KIF18B: variants seen among roughly 807,000 people sequenced by gnomAD.
KIF18B encodes kinesin-like protein KIF18B.
In KIF18B, 49 loss-of-function variants were observed where a neutral mutation model predicts 80.9. The observed-to-expected ratio is 0.61, with a 90% CI of 0.48 to 0.77. The LOEUF (loss-of-function observed/expected upper bound fraction) is 0.77, where lower values mean the gene tolerates loss of function less well. Ranked by LOEUF, KIF18B falls within the 30% of genes least tolerant of loss-of-function variation. KIF18B has a pLI of 0.00. For missense variants in KIF18B, 994 were observed against 1,127.7 expected (o/e 0.88, Z 1.70); for synonymous variants, 439 against 463.9 (o/e 0.95, Z 0.69).
rs531963798 is a variant in KIF18B at position 44,936,100 on chromosome 17, T to C, written c.245A>G (p.Gln82Arg). The C allele has an allele frequency of 5.6e-6, 9 of 1,613,854 alleles. No homozygotes were observed. The highest frequency in any genetic ancestry group is 6.8e-6 in the Non-Finnish European group (8 of 1,179,892). The change falls in exon 2 of 16, where the codon CAA (glutamine) becomes CGA (arginine). Residue 82 changes from glutamine to arginine, a missense_variant. Gln to Arg is a conservative substitution (Grantham distance 43). Coordinates refer to ENST00000593135, the MANE Select transcript of KIF18B (RefSeq NM_001265577.2). ...CGTGGTGTGCTGGAACACGTCCTGT[T>C]GGGTGGCCGCCTCGCCAAAGACCCG... ...FDRVFGEAAT[Q>R]QDVFQHTTHS...
chr17:44,929,918 G>A (rs902697776), intron 11 of KIF18B, among the ~76,000 whole-genome samples: 1 of 152,248 alleles, frequency 6.6e-6, no homozygotes, highest in African/African-American at 2.4e-5. Context: ...TTCTAATAAA[G>A]CATATTTTCT....
rs1043604165 is a variant in KIF18B, at chr17:44,926,917, C to T, written c.2366+72G>A. 27 of 1,305,696 alleles carry T rather than the reference C, an allele frequency of 2.1e-5. No homozygotes were observed. The African/African-American group carries it at 2.2e-4, about 11-fold the overall frequency. 80.9% of individuals were successfully genotyped at this position (1,305,696 alleles called of 1,614,324 possible). On this transcript the variant is annotated intron_variant, in intron 14 of 15. Coordinates refer to ENST00000593135, the MANE Select transcript of KIF18B (RefSeq NM_001265577.2). ...GACAGAGACACTGGGGGCCCAGAGTCGGCCCAGGTGTCTACTGCCCTGGTG... is the reference window on the plus strand; with the variant it reads ...GACAGAGACACTGGGGGCCCAGAGTTGGCCCAGGTGTCTACTGCCCTGGTG...
At position 44,936,063 on chromosome 17, in the gene KIF18B, C is replaced by T. The variant is rs780546192; in HGVS notation, c.282G>A (p.Leu94=). The part of the protein sequence containing the change: ...DVFQHTTHSV[L]DSFLQGYNCS... Reference sequence around the variant, plus strand: ...AGTTGTAGCCCTGGAGGAAGCTGTCCAGGACGCTGTGCGTGGTGTGCTGGA... The same window carrying T: ...AGTTGTAGCCCTGGAGGAAGCTGTCTAGGACGCTGTGCGTGGTGTGCTGGA... The change falls in exon 2 of 16, where the codon CTG becomes CTA. Residue 94 remains leucine, a synonymous_variant. Transcript: ENST00000593135. 1.2e-6 allele frequency: 2 copies of T among 1,613,778 alleles called. No individual in the cohort carries two copies. The highest frequency in any genetic ancestry group is 2.2e-5 in the East Asian group (1 of 44,886).
intron 1 of KIF18B, among the ~76,000 whole-genome samples, chr17:44,942,542 A>G (rs988566287): frequency 5.3e-5 from 8 of 152,138 alleles, no homozygotes; most frequent in African/African-American, 1.9e-4. Flanking sequence ...TGGACGTCCT[A>G]TTTTTACAGG....
At chr17:44,935,494 T>C (rs2052269136) in intron 2 of KIF18B, 78 bp from the exon 3 acceptor site, 2 of 1,417,666 alleles carry the variant, frequency 1.4e-6, no homozygotes, top group South Asian at 1.5e-5. Flanking sequence ...CTCAAGCCCC[T>C]TTCCTTTTCC....
chr17:44,926,109 CTGAGAGTGCTCTCCCCACCCTGA>C lies in KIF18B; in HGVS notation c.2507_2529del (p.Ile836SerfsTer16), dbSNP rs767711247. 6.2e-7 allele frequency: 1 copy of C among 1,613,918 alleles called. No individual in the cohort carries two copies. Among genetic ancestry groups the C allele is most frequent in the South Asian group, 1.1e-5 (1 of 91,070 alleles). On this transcript the variant is annotated frameshift_variant, in exon 16 of 16. Coordinates refer to ENST00000593135, the MANE Select transcript of KIF18B (RefSeq NM_001265577.2). LOFTEE classifies it high-confidence loss of function. Reference sequence around the variant, plus strand: ...GACACCTTGGTGACGCCGTTCCCTGCTGAGAGTGCTCTCCCCACCCTGATGAGGTCCTTTCCATTCCTCCGGTT... The same window carrying C: ...GACACCTTGGTGACGCCGTTCCCTGCTGAGGTCCTTTCCATTCCTCCGGTT...
In KIF18B at chr17:44,932,100, G is replaced by T. The variant is rs530568919; in HGVS notation, c.1345C>A (p.Gln449Lys). ...TCCTCATCCTCTGGGGACTGCTCCTGGTCTGAAGAGTTCCCTTCCATGGCC... is the reference window on the plus strand; with the variant it reads ...TCCTCATCCTCTGGGGACTGCTCCTTGTCTGAAGAGTTCCCTTCCATGGCC... ...ERAMEGNSSD[Q>K]EQSPEDEDEG... Residue 449 changes from glutamine (Q) to lysine (K), a missense_variant, in exon 10 of 16, where the codon CAG becomes AAG. Transcript: ENST00000593135. 14 of 1,613,834 alleles carry T rather than the reference G, an allele frequency of 8.7e-6. No homozygotes were observed. In the African/African-American group the frequency reaches 1.7e-4, roughly 20 times the overall value.
At position 44,928,209 on chromosome 17, in the gene KIF18B, C is replaced by T. The variant is rs1350174259; in HGVS notation, c.2093G>A (p.Arg698Gln). 14 of 1,612,674 alleles carry T rather than the reference C, an allele frequency of 8.7e-6. No homozygotes were observed. Among genetic ancestry groups the T allele is most frequent in the African/African-American group, 2.7e-5 (2 of 75,002 alleles). Reference protein sequence around the residue: ...RVCPATVIKSRVPLGPSAMQN... With the variant: ...RVCPATVIKSQVPLGPSAMQN... ...CATGGCGGAAGGGCCCAGGGGCACC[C>T]GGCTTTTGATGACTGTGGCTGGGCA... The change falls in exon 13 of 16, where the codon CGG becomes CAG. Residue 698 changes from arginine to glutamine, a missense_variant. Coordinates refer to ENST00000593135, the MANE Select transcript of KIF18B (RefSeq NM_001265577.2).
At chr17:44,932,453 T>G in intron 9 of KIF18B, 1 of 593,956 alleles carries the variant, frequency 1.7e-6, no homozygotes, top group South Asian at 2.1e-5. Flanking sequence ...TTCTCTCGAA[T>G]AGTAGGCCCT....
chr17:44,928,154 G>A lies in KIF18B; in HGVS notation c.2148C>T (p.Pro716=). 6.2e-7 allele frequency: 1 copy of A among 1,609,056 alleles called. No individual in the cohort carries two copies. The change falls in exon 13 of 16, where the codon CCC becomes CCT. Residue 716 remains proline (P), a synonymous_variant. Transcript: ENST00000593135. ...MQNCSTPLAL[P]TRDLNATFDL... ...CAAAGGTGGCATTGAGGTCTCGAGT[G>A]GGCAGAGCCAGCGGGGTGGAGCAGT...
intron 9 of KIF18B, 43 bp from the exon 10 acceptor site, chr17:44,932,249 G>A (rs750984882): frequency 1.2e-5 from 18 of 1,544,180 alleles, no homozygotes; most frequent in African/African-American, 2.7e-5. Flanking sequence ...AAGGCTAAGC[G>A]GGAAAGGAGG....
Position 44,932,212 on chromosome 17 carries a change from A to G in KIF18B, c.1239-6T>C, listed in dbSNP as rs1597880403. 6.4e-7 allele frequency: 1 copy of G among 1,565,898 alleles called. No individual in the cohort carries two copies. The highest frequency in any genetic ancestry group is 8.7e-7 in the Non-Finnish European group (1 of 1,151,486). ...GCTCTGGGGTGCAGGGCTGGCTGGG[A>G]GGGTGGGGTGGCAAGGGGGAGCTGG... On this transcript the variant is annotated splice_polypyrimidine_tract_variant and splice_region_variant and intron_variant, in intron 9 of 15. Coordinates refer to ENST00000593135, the MANE Select transcript of KIF18B (RefSeq NM_001265577.2).
chr17:44,946,720 A>T (rs2052517976), intron 1 of KIF18B, among the ~76,000 whole-genome samples: 1 of 152,166 alleles, frequency 6.6e-6, no homozygotes, highest in Non-Finnish European at 1.5e-5. Context: ...TTTCCATGTC[A>T]CTTCAGTTCC....
Position 44,936,555 on chromosome 17 carries a change from ACTCTCTCTCTCTCTCT to A in KIF18B, c.-14-213_-14-198del, listed in dbSNP as rs59137224. ...ATACCATCTTTGTCATACTCAAATG[ACTCTCTCTCTCTCTCT>A]CTCTCTCTCTCTCTCTCTCTCTCTC... On this transcript the variant is annotated intron_variant, in intron 1 of 15. Coordinates refer to ENST00000593135, the MANE Select transcript of KIF18B (RefSeq NM_001265577.2). Among the ~76,000 whole-genome samples the A allele has an allele frequency of 1.6e-3, 59 of 37,216 alleles. 1 individual carries two copies. The highest frequency in any genetic ancestry group is 8.6e-3 in the Admixed American group (18 of 2,098). The allele number at this position is 37,216 out of a possible 152,430, so 24.4% of individuals were successfully genotyped here.
chr17:44,931,329 C>A (rs2052141222), intron 11 of KIF18B, among the ~76,000 whole-genome samples: 2 of 152,206 alleles, frequency 1.3e-5, no homozygotes, highest in African/African-American at 4.8e-5. Context: ...CCCCAGCCGC[C>A]CTGCCCTGAC....
intron 1 of KIF18B, among the ~76,000 whole-genome samples, chr17:44,939,737 T>A (rs2052380771): frequency 6.6e-6 from 1 of 152,206 alleles, no homozygotes; most frequent in African/African-American, 2.4e-5. Flanking sequence ...TTTCTTCACA[T>A]GGGTATTATA....
At chr17:44,935,099 G>T (rs992339766) in intron 3 of KIF18B, among the ~76,000 whole-genome samples, 160 bp downstream of exon 3, 9 of 152,118 alleles carry the variant, frequency 5.9e-5, no homozygotes, top group Non-Finnish European at 1.3e-4. Flanking sequence ...GAACAGGCGG[G>T]TGTCTCTAGT....
chr17:44,936,432 G>T (rs2052294726), intron 1 of KIF18B, 74 bp from the exon 2 acceptor site: 5 of 1,324,056 alleles, frequency 3.8e-6, no homozygotes, highest in Non-Finnish European at 3.1e-6. Flanking sequence ...GTACTCCAAG[G>T]TCCCCTCCAC....
intron 1 of KIF18B, among the ~76,000 whole-genome samples, chr17:44,937,974 CCATACA>C (rs2052341063): frequency 8.0e-6 from 1 of 124,882 alleles, no homozygotes; most frequent in South Asian, 2.4e-4. Context: ...TTCAGCATCT[CCATACA>C]CACACACACA....
Sources: gnomAD v4.1 joint callset for allele counts (sites outside exome capture counted in the v4.1 genomes callset) on GRCh38, gnomAD v4.1.1 for gene constraint, MANE v1.5 for transcripts, NCBI Gene and HGNC (gene_info 2026-07-23, HGNC 2026-07-21) for gene names.